The following NR3C1 variants were observed in gnomAD, a reference collection of about 807,000 sequenced individuals.
NR3C1 encodes the protein nuclear receptor subfamily 3 group C member 1.
In NR3C1, 14 loss-of-function variants were observed where a neutral mutation model predicts 74.0. That is an observed-to-expected ratio of 0.19 (90% CI 0.12 to 0.30). The LOEUF (loss-of-function observed/expected upper bound fraction) is 0.30, where lower values mean the gene tolerates loss of function less well. Among genes scored for constraint, NR3C1 ranks in the 10% least tolerant of loss-of-function variants. The pLI, the probability that NR3C1 is intolerant of heterozygous loss-of-function variation, is 1.00. For missense variants in NR3C1, 695 were observed against 909.8 expected (o/e 0.76, Z 3.04); for synonymous variants, 308 against 332.5 (o/e 0.93, Z 0.80).
intron 1 of NR3C1, among the ~76,000 whole-genome samples, chr5:143,433,083 G>C (rs1751913935): frequency 6.6e-6 from 1 of 152,122 alleles, no homozygotes; most frequent in African/African-American, 2.4e-5. Context: ...GGCTAATTGT[G>C]TAATTCTTTC....
intron 2 of NR3C1, among the ~76,000 whole-genome samples, chr5:143,326,399 A>C (rs1824612372): frequency 6.6e-6 from 1 of 152,244 alleles, no homozygotes; most frequent in Non-Finnish European, 1.5e-5. Flanking sequence ...GAGATACAAA[A>C]GCATTCAGTC....
chr5:143,400,291 C>T lies in NR3C1; in HGVS notation c.549G>A (p.Leu183=), dbSNP rs781180775. 1.2e-5 allele frequency: 19 copies of T among 1,607,790 alleles called. No individual in the cohort carries two copies. The Admixed American group carries it at 3.0e-4, about 26-fold the overall frequency. ...QTGTNGGNVK[L]YTTDQSTFDI... ...CAAAGGTGCTTTGGTCTGTGGTATA[C>T]AATTTCACATTGCCACCGTTGGTGC... is the stretch of plus-strand genomic sequence containing the variant. The change falls in exon 2 of 9, where the codon TTG becomes TTA. Residue 183 remains leucine, a synonymous_variant. Coordinates refer to ENST00000394464, the MANE Select transcript of NR3C1 (RefSeq NM_000176.3).
intron 2 of NR3C1, among the ~76,000 whole-genome samples, chr5:143,317,221 G>A (rs1822315842): frequency 6.6e-6 from 1 of 152,006 alleles, no homozygotes; most frequent in African/African-American, 2.4e-5. Flanking sequence ...AAAGGGCTAG[G>A]GTACAACAAA....
chr5:143,421,920 G>T (rs1002934596), intron 1 of NR3C1, among the ~76,000 whole-genome samples: 1 of 152,174 alleles, frequency 6.6e-6, no homozygotes, highest in African/African-American at 2.4e-5. Context: ...TGGACGTGGT[G>T]GAAGTTACAT....
chr5:143,307,720 C>T (rs1411248527), intron 4 of NR3C1, among the ~76,000 whole-genome samples: 1 of 152,074 alleles, frequency 6.6e-6, no homozygotes, highest in East Asian at 1.9e-4. Flanking sequence ...AACCAAAGGG[C>T]ACTAAAAACT....
At chr5:143,435,034 T>C in exon 1 of NR3C1, 2 of 985,362 alleles carry the variant, frequency 2.0e-6, no homozygotes, top group Non-Finnish European at 2.4e-6. Flanking sequence ...GAGCCACTGA[T>C]TCAGCAGATA....
chr5:143,407,172 TATGTC>T (rs1344188300), upstream of NR3C1: 1 of 152,206 alleles, frequency 6.6e-6, no homozygotes, highest in Non-Finnish European at 1.5e-5. Context: ...GTCATAGCTT[TATGTC>T]CCACTCCTGG....
At chr5:143,417,227 T>C (rs374479541) in intron 1 of NR3C1, among the ~76,000 whole-genome samples, 6 of 152,326 alleles carry the variant, frequency 3.9e-5, no homozygotes, top group South Asian at 2.1e-4. Context: ...AAACTGAAAC[T>C]TGATAGCTGA....
At chr5:143,353,976 T>TTAGC (rs1380225538) in intron 2 of NR3C1, among the ~76,000 whole-genome samples, 1 of 152,248 alleles carries the variant, frequency 6.6e-6, no homozygotes, top group Non-Finnish European at 1.5e-5. Flanking sequence ...TTTAGTAATC[T>TTAGC]TAGCTAGATC....
intron 1 of NR3C1, among the ~76,000 whole-genome samples, chr5:143,434,245 C>G (rs1752012627): frequency 6.6e-6 from 1 of 152,176 alleles, no homozygotes; most frequent in African/African-American, 2.4e-5. Flanking sequence ...GTTGGAAGCT[C>G]CATGTCAGTT....
intron 1 of NR3C1, among the ~76,000 whole-genome samples, chr5:143,432,545 G>C (rs1178230471): frequency 6.6e-6 from 1 of 152,218 alleles, no homozygotes; most frequent in Non-Finnish European, 1.5e-5. Context: ...TTAGGGGAAA[G>C]ACACTCTTTA....
chr5:143,316,176 G>A (rs1016942852), intron 2 of NR3C1, among the ~76,000 whole-genome samples: 6 of 152,176 alleles, frequency 3.9e-5, no homozygotes, highest in Admixed American at 1.3e-4. Context: ...GAGCTGCTTT[G>A]GGCCAGAGTT....
intron 1 of NR3C1, among the ~76,000 whole-genome samples, chr5:143,411,528 T>C (rs1841292717): frequency 6.6e-6 from 1 of 152,210 alleles, no homozygotes; most frequent in Non-Finnish European, 1.5e-5. Flanking sequence ...GCTGATTGGA[T>C]ATTAATCAGA....
intron 7 of NR3C1, chr5:143,294,394 C>CT (rs1271311488): frequency 3.5e-6 from 3 of 852,218 alleles, no homozygotes; most frequent in Admixed American, 6.2e-5. Flanking sequence ...GTTCATAGAG[C>CT]TTTTTTTAAA....
intron 2 of NR3C1, among the ~76,000 whole-genome samples, chr5:143,320,257 C>G (rs555789414): frequency 5.3e-5 from 8 of 152,276 alleles, no homozygotes; most frequent in Admixed American, 5.2e-4. Context: ...ATGGTTTTAG[C>G]AGAACACATT....
intron 2 of NR3C1, chr5:143,333,170 C>G: frequency 6.3e-7 from 1 of 1,580,350 alleles, no homozygotes; most frequent in South Asian, 1.1e-5. Context: ...GAGTGGGCTT[C>G]CTCAAGGAGA....
upstream of NR3C1, among the ~76,000 whole-genome samples, chr5:143,407,781 A>G (rs1841163132): frequency 6.6e-6 from 1 of 152,190 alleles, no homozygotes; most frequent in Admixed American, 6.5e-5. Context: ...CCACTAAAAT[A>G]ATCCAAGCTG....
chr5:143,316,581 T>C (rs1561549043), intron 2 of NR3C1, among the ~76,000 whole-genome samples: 1 of 152,158 alleles, frequency 6.6e-6, no homozygotes, highest in East Asian at 1.9e-4. Context: ...CTATCTACGG[T>C]GAAGCTGACA....
intron 2 of NR3C1, among the ~76,000 whole-genome samples, chr5:143,361,925 T>C (rs1276763592): frequency 1.3e-5 from 2 of 152,252 alleles, no homozygotes; most frequent in Non-Finnish European, 1.5e-5. Context: ...TATTGAATTT[T>C]GGTCAATACG....
Sources: allele counts gnomAD v4.1 joint callset (sites outside exome capture counted in the v4.1 genomes callset), GRCh38; gene constraint gnomAD v4.1.1; transcripts MANE v1.5; gene names NCBI Gene and HGNC (gene_info 2026-07-23, HGNC 2026-07-21).